GUCY1A2: variants seen among roughly 807,000 people sequenced by gnomAD.
GUCY1A2 encodes guanylate cyclase soluble subunit alpha-2.
Under a neutral mutation model 63.5 loss-of-function variants are expected in GUCY1A2, and 27 were observed. The ratio of observed to expected loss-of-function variants is 0.43; its 90% CI spans 0.31 to 0.59. The LOEUF is 0.59. GUCY1A2 is among the 20% of genes least tolerant of loss of function. The pLI, the probability that GUCY1A2 is intolerant of heterozygous loss-of-function variation, is 0.11. For synonymous variants in GUCY1A2, 364 were observed against 343.5 expected (o/e 1.06, Z -0.66); for missense variants, 768 against 913.3 (o/e 0.84, Z 2.05).
chr11:106,695,761 A>G (rs1395134486), intron 7 of GUCY1A2, among the ~76,000 whole-genome samples: 1 of 152,206 alleles, frequency 6.6e-6, no homozygotes, highest in African/African-American at 2.4e-5. Context: ...AAGGAAAGGA[A>G]GAATCTAGCT....
intron 4 of GUCY1A2, among the ~76,000 whole-genome samples, chr11:106,916,468 C>T (rs1301747243): frequency 1.4e-5 from 2 of 145,010 alleles, no homozygotes; most frequent in African/African-American, 4.9e-5. Context: ...GGGCCTGGAT[C>T]GTAGTACAGA....
intron 6 of GUCY1A2, among the ~76,000 whole-genome samples, chr11:106,724,553 C>T (rs1863371643): frequency 6.6e-6 from 1 of 152,170 alleles, no homozygotes; most frequent in Non-Finnish European, 1.5e-5. Context: ...TCCAACCACA[C>T]TGGGTTATCA....
chr11:106,827,826 C>T (rs1858993156), intron 4 of GUCY1A2: 2 of 1,599,998 alleles, frequency 1.3e-6, no homozygotes, highest in Non-Finnish European at 1.7e-6. Flanking sequence ...ACAAGTGACG[C>T]CCGCGATGCC....
chr11:106,949,091 T>G (rs1479151888), intron 3 of GUCY1A2, among the ~76,000 whole-genome samples: 1 of 152,064 alleles, frequency 6.6e-6, no homozygotes, highest in Non-Finnish European at 1.5e-5. Flanking sequence ...ATTACGATTG[T>G]GTGTGTGTGT....
chr11:106,688,964 T>C (rs1490976395), intron 7 of GUCY1A2, among the ~76,000 whole-genome samples: 2 of 151,942 alleles, frequency 1.3e-5, no homozygotes, highest in Admixed American at 6.6e-5. Context: ...AAACTAAGAG[T>C]TTAGACTTTA....
chr11:106,972,557 A>G (rs186457031), intron 3 of GUCY1A2, among the ~76,000 whole-genome samples: 2 of 152,232 alleles, frequency 1.3e-5, no homozygotes, highest in East Asian at 3.9e-4. Context: ...ACACAAATTT[A>G]AAATTAAGAA....
At position 106,949,437 on chromosome 11, in the gene GUCY1A2, T is replaced by C. The variant is rs868842763; in HGVS notation, c.488-9259A>G. Reference sequence around the variant, plus strand: ...GCTTCTGTACATGGCTGGTTCTGTGTTTTGTTTTATTTTGTTTTTTAACTA... The same window carrying C: ...GCTTCTGTACATGGCTGGTTCTGTGCTTTGTTTTATTTTGTTTTTTAACTA... On this transcript the variant is annotated intron_variant, in intron 3 of 7. Transcript: ENST00000526355. Among the ~76,000 whole-genome samples the C allele has an allele frequency of 3.3e-5, 5 of 151,350 alleles. No homozygotes were observed. The South Asian group carries it at 1.0e-3, about 31-fold the overall frequency.
In GUCY1A2 at chr11:106,675,547, C is replaced by T. The variant is rs1402814318; in HGVS notation, c.*12002G>A. On this transcript the variant is annotated 3_prime_UTR_variant, in exon 8 of 8. Coordinates refer to ENST00000526355, the MANE Select transcript of GUCY1A2 (RefSeq NM_000855.3). ...CAATAAAATAGAGGGAAAAATGGGACTGTGGATTACAACTGTTCAAATTTC... is the reference window on the plus strand; with the variant it reads ...CAATAAAATAGAGGGAAAAATGGGATTGTGGATTACAACTGTTCAAATTTC... The T allele has an allele frequency of 1.5e-5, 3 of 196,392 alleles. No homozygotes were observed. Among genetic ancestry groups the T allele is most frequent in the African/African-American group, 6.9e-5 (3 of 43,210 alleles). 12.2% of individuals were successfully genotyped at this position (196,392 alleles called of 1,614,324 possible). A position where few individuals can be genotyped will look rare whatever the true frequency, so the allele number is the denominator to read the frequency against.
intron 5 of GUCY1A2, among the ~76,000 whole-genome samples, chr11:106,808,124 T>C (rs1486523839): frequency 6.6e-6 from 1 of 152,116 alleles, no homozygotes; most frequent in East Asian, 1.9e-4. Context: ...GTCCCATCCC[T>C]CTAGAGAACC....
Position 106,978,657 on chromosome 11 carries a change from T to C in GUCY1A2, c.449A>G (p.Asp150Gly). The change falls in exon 3 of 8, where the codon GAT (aspartate) becomes GGT (glycine). Residue 150 changes from aspartate to glycine, a missense_variant. By Grantham distance (94) the Asp-to-Gly change is moderately conservative. Transcript: ENST00000526355. ...AGTACACTGAAGAATTCCTGAGACA[T>C]CTTCAATTTCTTCTTTGTTGGAGTG... ...ADHSNKEEIE[D>G]VSGILQCTAN... The C allele has an allele frequency of 1.3e-6, 2 of 1,554,242 alleles. No individual in the cohort carries two copies. Among genetic ancestry groups the C allele is most frequent in the Non-Finnish European group, 1.8e-6 (2 of 1,125,928 alleles).
At chr11:106,985,858 G>T (rs76079564) in intron 2 of GUCY1A2, among the ~76,000 whole-genome samples, 3,149 of 152,160 alleles carry the variant, frequency 0.021, 120 homozygotes, top group African/African-American at 0.071. Flanking sequence ...ATACCAGAAA[G>T]TAATTTCATT....
intron 4 of GUCY1A2, among the ~76,000 whole-genome samples, chr11:106,930,407 C>T (rs1386408759): frequency 1.3e-5 from 2 of 152,194 alleles, no homozygotes; most frequent in Admixed American, 1.3e-4. Flanking sequence ...TCATTGCAAC[C>T]TCTGCCTCCC....
chr11:106,747,001 G>A (rs952927009), intron 6 of GUCY1A2, among the ~76,000 whole-genome samples: 1 of 152,022 alleles, frequency 6.6e-6, no homozygotes, highest in African/African-American at 2.4e-5. Flanking sequence ...TTGTTTGTTT[G>A]TTTTGAGATG....
chr11:106,855,462 C>T (rs1327100112), intron 4 of GUCY1A2, among the ~76,000 whole-genome samples: 1 of 147,434 alleles, frequency 6.8e-6, no homozygotes, highest in Admixed American at 6.7e-5. Flanking sequence ...TGGTTATCCT[C>T]TTGCTGTTTT....
chr11:106,966,765 A>C (rs1203715543), intron 3 of GUCY1A2, among the ~76,000 whole-genome samples: 1 of 152,230 alleles, frequency 6.6e-6, no homozygotes, highest in African/African-American at 2.4e-5. Flanking sequence ...GCAGTAAGTT[A>C]GAGTTGCTTG....
chr11:106,948,872 A>C (rs1176523545), intron 3 of GUCY1A2, among the ~76,000 whole-genome samples: 1 of 152,214 alleles, frequency 6.6e-6, no homozygotes, highest in Non-Finnish European at 1.5e-5. Context: ...CATGCCTCAA[A>C]CAAAATCAAA....
At chr11:106,842,776 T>C (rs1188913328) in intron 4 of GUCY1A2, among the ~76,000 whole-genome samples, 3 of 151,878 alleles carry the variant, frequency 2.0e-5, no homozygotes, top group Non-Finnish European at 4.4e-5. Flanking sequence ...AGAATGTAGA[T>C]TTTGATTTAG....
At chr11:106,772,702 G>C (rs1360663388) in intron 6 of GUCY1A2, among the ~76,000 whole-genome samples, 1 of 151,990 alleles carries the variant, frequency 6.6e-6, no homozygotes, top group Non-Finnish European at 1.5e-5. Context: ...TTGTTCTCGG[G>C]TAATTTAACT....
chr11:106,704,695 G>C (rs1326719734), intron 7 of GUCY1A2, among the ~76,000 whole-genome samples: 2 of 152,116 alleles, frequency 1.3e-5, no homozygotes, highest in African/African-American at 2.4e-5. Flanking sequence ...TACACTTTTA[G>C]TTTGCACTGT....
Sources: gnomAD v4.1 joint callset for allele counts (sites outside exome capture counted in the v4.1 genomes callset) on GRCh38, gnomAD v4.1.1 for gene constraint, MANE v1.5 for transcripts, NCBI Gene and HGNC (gene_info 2026-07-23, HGNC 2026-07-21) for gene names.